TBCK: variants seen among roughly 807,000 people sequenced by gnomAD.
The protein encoded by TBCK is TBC domain-containing protein kinase-like protein.
TBCK carries 99 observed loss-of-function variants against 113.4 expected under a neutral mutation model. The observed-to-expected ratio is 0.87, with a 90% CI of 0.74 to 1.03. The LOEUF (loss-of-function observed/expected upper bound fraction) is 1.03, where lower values mean the gene tolerates loss of function less well. Among genes scored for constraint, TBCK ranks in the 50% least tolerant of loss-of-function variants. The probability of loss-of-function intolerance (pLI) is 0.00; values close to 1 mark genes in which losing one functional copy is unlikely to be tolerated. For synonymous variants in TBCK, 369 were observed against 370.8 expected, an observed-to-expected ratio of 1.00 and a Z score of 0.05; for missense variants, 1,045 against 1,061.3, an observed-to-expected ratio of 0.98 and a Z score of 0.21.
At chr4:106,104,237 C>T (rs1394865456) in intron 24 of TBCK, among the ~76,000 whole-genome samples, 1 of 152,192 alleles carries the variant, frequency 6.6e-6, no homozygotes, top group East Asian at 1.9e-4. Flanking sequence ...AACCCATAGG[C>T]CCCACTTCCA....
At position 106,116,368 on chromosome 4, in the gene TBCK, G is replaced by A; in HGVS notation, c.2246C>T (p.Ser749Phe). Residue 749 changes from serine to phenylalanine, a missense_variant, in exon 24 of 26, where the codon TCC (serine) becomes TTC (phenylalanine). By Grantham distance (155) the Ser-to-Phe change is radical. Transcript: ENST00000394708. ...TGACTTCAGGTCATTTAATGGGATG[G>A]ATTCTCTTGACTGAAAAAAAAAATG... Reference protein sequence around the residue: ...DPPKTDLSRESIPLNDLKSEV... With the variant: ...DPPKTDLSREFIPLNDLKSEV... 6.2e-7 allele frequency: 1 copy of A among 1,603,394 alleles called. No individual in the cohort carries two copies. The highest frequency in any genetic ancestry group is 8.5e-7 in the Non-Finnish European group (1 of 1,176,130).
intron 20 of TBCK, among the ~76,000 whole-genome samples, chr4:106,203,073 G>C (rs778779793): frequency 4.0e-5 from 6 of 151,878 alleles, no homozygotes; most frequent in Non-Finnish European, 7.4e-5. Context: ...AAAGACAGCT[G>C]TTCTTCAACC....
At chr4:106,222,797 T>C (rs1354195739) in intron 19 of TBCK, among the ~76,000 whole-genome samples, 1 of 152,050 alleles carries the variant, frequency 6.6e-6, no homozygotes, top group Non-Finnish European at 1.5e-5. Flanking sequence ...ATTACAAAGT[T>C]TTCTGCTGTA....
At chr4:106,057,849 C>T (rs1213962371) in intron 25 of TBCK, among the ~76,000 whole-genome samples, 1 of 151,744 alleles carries the variant, frequency 6.6e-6, no homozygotes, top group Non-Finnish European at 1.5e-5. Flanking sequence ...CATGTCTAAG[C>T]TTCCTAACAA....
At position 106,231,791 on chromosome 4, in the gene TBCK, G is replaced by GA. The variant is rs757445301; in HGVS notation, c.1640-13_1640-12insT. ...AAGTGAGTCAAGACCTAACACAGAG[G>GA]GGTTGGGAGAAAGAAGTCAAATAAA... is the stretch of plus-strand genomic sequence containing the variant. On this transcript the variant is annotated splice_polypyrimidine_tract_variant and intron_variant, in intron 17 of 25. Transcript: ENST00000394708. 6.2e-7 allele frequency: 1 copy of GA among 1,605,700 alleles called. No individual in the cohort carries two copies. The highest frequency in any genetic ancestry group is 1.1e-5 in the South Asian group (1 of 89,670).
At chr4:106,209,942 CTT>C (rs1429232945) in intron 20 of TBCK, among the ~76,000 whole-genome samples, 1 of 151,994 alleles carries the variant, frequency 6.6e-6, no homozygotes, top group Non-Finnish European at 1.5e-5. Context: ...GATTAAATGT[CTT>C]TTCTTTGTTC....
At chr4:106,094,498 T>G (rs542825515) in intron 25 of TBCK, among the ~76,000 whole-genome samples, 1 of 151,388 alleles carries the variant, frequency 6.6e-6, no homozygotes, top group East Asian at 1.9e-4. Flanking sequence ...CTCTGATTAC[T>G]AAGAGTAAAA....
At chr4:106,246,003 T>C (rs752159229) in intron 10 of TBCK, among the ~76,000 whole-genome samples, 1 of 152,096 alleles carries the variant, frequency 6.6e-6, no homozygotes, top group Non-Finnish European at 1.5e-5. Flanking sequence ...AATTTTACAC[T>C]CTATATTGGA....
chr4:106,060,053 A>T (rs568208194), intron 25 of TBCK, among the ~76,000 whole-genome samples: 1 of 151,922 alleles, frequency 6.6e-6, no homozygotes, highest in African/African-American at 2.4e-5. Context: ...CTGGAGAAGA[A>T]AAGTTGGAAG....
intron 20 of TBCK, among the ~76,000 whole-genome samples, chr4:106,201,899 A>G (rs1362027080): frequency 6.6e-6 from 1 of 152,050 alleles, no homozygotes; most frequent in Admixed American, 6.5e-5. Context: ...CATTAGTTTA[A>G]TGCTTTTGCA....
intron 2 of TBCK, among the ~76,000 whole-genome samples, chr4:106,305,171 G>T (rs1241084595): frequency 6.6e-6 from 1 of 151,898 alleles, no homozygotes. Context: ...TCTTCACCTT[G>T]ATTATTTTTC....
At chr4:106,094,027 A>G (rs1322438913) in intron 25 of TBCK, among the ~76,000 whole-genome samples, 3 of 152,248 alleles carry the variant, frequency 2.0e-5, no homozygotes, top group South Asian at 2.1e-4. Context: ...GGAAATTTCT[A>G]TTCCTCTCGA....
intron 23 of TBCK, among the ~76,000 whole-genome samples, chr4:106,157,379 G>A (rs1202364769): frequency 6.6e-6 from 1 of 152,096 alleles, no homozygotes; most frequent in African/African-American, 2.4e-5. Context: ...TGCCTCCTTA[G>A]TCCACTCACT....
intron 23 of TBCK, among the ~76,000 whole-genome samples, chr4:106,148,105 T>C (rs2149673571): frequency 6.6e-6 from 1 of 152,276 alleles, no homozygotes; most frequent in South Asian, 2.1e-4. Flanking sequence ...GACCAGTTGC[T>C]CTCAAAACCT....
chr4:106,150,264 C>T (rs1579055907), intron 23 of TBCK, among the ~76,000 whole-genome samples: 1 of 152,072 alleles, frequency 6.6e-6, no homozygotes, highest in East Asian at 1.9e-4. Flanking sequence ...TATAAAAATA[C>T]ACACAAAAGC....
chr4:106,240,223 A>G (rs370114613), intron 12 of TBCK, among the ~76,000 whole-genome samples: 6 of 152,218 alleles, frequency 3.9e-5, no homozygotes, highest in African/African-American at 1.2e-4. Context: ...GAAGACCTCT[A>G]TAACTCAATG....
At chr4:106,165,836 G>T (rs545946985) in intron 23 of TBCK, among the ~76,000 whole-genome samples, 2 of 151,720 alleles carry the variant, frequency 1.3e-5, no homozygotes, top group South Asian at 4.2e-4. Context: ...GAAGAAAAAG[G>T]AACAGGCTTG....
chr4:106,230,466 A>C lies in TBCK; in HGVS notation c.1691-20T>G. The C allele has an allele frequency of 2.6e-6, 4 of 1,522,102 alleles. No homozygotes were observed. The highest frequency in any genetic ancestry group is 3.6e-6 in the Non-Finnish European group (4 of 1,111,446). 94.3% of individuals were successfully genotyped at this position (1,522,102 alleles called of 1,614,324 possible). A position where few individuals can be genotyped will look rare whatever the true frequency, so the allele number is the denominator to read the frequency against. On this transcript the variant is annotated intron_variant, in intron 18 of 25. Coordinates refer to ENST00000394708, the MANE Select transcript of TBCK (RefSeq NM_001163435.3). The stretch of plus-strand genomic sequence containing the variant: ...CCAAGGCTAAAAGAGAATAAGGCAA[A>C]GGCATGTAAAAAATTAGTTAACAGG...
chr4:106,217,698 A>T (rs191250332), intron 19 of TBCK, among the ~76,000 whole-genome samples: 9,680 of 150,186 alleles, frequency 0.064, 409 homozygotes, highest in Non-Finnish European at 0.083. Flanking sequence ...ACTACAAACC[A>T]CTGCTCAAGG....
Sources: allele counts gnomAD v4.1 joint callset (sites outside exome capture counted in the v4.1 genomes callset), GRCh38; gene constraint gnomAD v4.1.1; transcripts MANE v1.5; gene names NCBI Gene and HGNC (gene_info 2026-07-23, HGNC 2026-07-21).